The following SCAPER variants were observed in gnomAD, a reference collection of about 807,000 sequenced individuals.
SCAPER encodes the protein S-phase cyclin A associated protein in the ER.
Under a neutral mutation model 182.2 loss-of-function variants are expected in SCAPER, and 98 were observed. The ratio of observed to expected loss-of-function variants is 0.54; its 90% CI spans 0.46 to 0.64. The LOEUF (loss-of-function observed/expected upper bound fraction) is 0.64, where lower values mean the gene tolerates loss of function less well. SCAPER is among the 30% of genes least tolerant of loss of function. The probability of loss-of-function intolerance (pLI) is 0.00; values close to 1 mark genes in which losing one functional copy is unlikely to be tolerated. For missense variants in SCAPER, 1,432 were observed against 1,690.0 expected (o/e 0.85, Z 2.68); for synonymous variants, 605 against 564.6 (o/e 1.07, Z -1.01).
At chr15:76,493,166 A>T (rs993896714) in intron 24 of SCAPER, among the ~76,000 whole-genome samples, 5 of 152,188 alleles carry the variant, frequency 3.3e-5, no homozygotes, top group African/African-American at 1.2e-4. Flanking sequence ...GATATAAATT[A>T]TATGCATCCT....
At chr15:76,516,662 C>T (rs1217371498) in intron 23 of SCAPER, among the ~76,000 whole-genome samples, 1 of 152,064 alleles carries the variant, frequency 6.6e-6, no homozygotes, top group African/African-American at 2.4e-5. Flanking sequence ...GTGAATAGTG[C>T]TGCAATAAAC....
chr15:76,502,740 C>T (rs930940898), intron 24 of SCAPER, among the ~76,000 whole-genome samples: 2 of 152,118 alleles, frequency 1.3e-5, no homozygotes, highest in East Asian at 3.9e-4. Context: ...AAAGAAAACA[C>T]AAATCTATTG....
At chr15:76,687,686 C>G (rs572261583) in intron 20 of SCAPER, among the ~76,000 whole-genome samples, 1 of 152,078 alleles carries the variant, frequency 6.6e-6, no homozygotes, top group Admixed American at 6.6e-5. Flanking sequence ...TGAGAACATG[C>G]GGTGTTTGGT....
chr15:76,609,460 C>A (rs1255967343), intron 22 of SCAPER, among the ~76,000 whole-genome samples: 1 of 152,056 alleles, frequency 6.6e-6, no homozygotes, highest in African/African-American at 2.4e-5. Context: ...GCACTTCAGC[C>A]TGGGCAACAG....
chr15:76,519,825 A>G (rs2042704481), intron 23 of SCAPER, among the ~76,000 whole-genome samples: 1 of 152,204 alleles, frequency 6.6e-6, no homozygotes. Context: ...ATAAGTGCCT[A>G]ATAAATTTTT....
intron 10 of SCAPER, among the ~76,000 whole-genome samples, chr15:76,769,434 C>G (rs1306797893): frequency 1.0e-5 from 1 of 96,314 alleles, no homozygotes; most frequent in Non-Finnish European, 1.9e-5. Flanking sequence ...CACAGTGAGA[C>G]TCTGTCTCAA....
chr15:76,533,434 G>C (rs2043849654), intron 23 of SCAPER, among the ~76,000 whole-genome samples: 1 of 152,088 alleles, frequency 6.6e-6, no homozygotes, highest in Admixed American at 6.5e-5. Context: ...ATTCAGCATA[G>C]TATTCAGTAC....
At chr15:76,562,948 A>G (rs2145177479) in intron 23 of SCAPER, among the ~76,000 whole-genome samples, 1 of 152,334 alleles carries the variant, frequency 6.6e-6, no homozygotes, top group East Asian at 1.9e-4. Context: ...CATAATTTTG[A>G]TAGAAGGAAG....
intron 22 of SCAPER, among the ~76,000 whole-genome samples, chr15:76,613,008 C>T (rs1396524542): frequency 2.0e-5 from 3 of 152,172 alleles, no homozygotes; most frequent in African/African-American, 4.8e-5. Context: ...CATCAAGCTA[C>T]CTGACTTCAA....
At chr15:76,620,432 G>C (rs1479743676) in intron 22 of SCAPER, among the ~76,000 whole-genome samples, 1 of 152,108 alleles carries the variant, frequency 6.6e-6, no homozygotes, top group Non-Finnish European at 1.5e-5. Flanking sequence ...CTGATATACA[G>C]TATTTGTGAT....
chr15:76,774,978 A>G lies in SCAPER; in HGVS notation c.912T>C (p.Cys304=), dbSNP rs746718740. The G allele has an allele frequency of 6.2e-7, 1 of 1,613,864 alleles. No homozygotes were observed. The highest frequency in any genetic ancestry group is 2.2e-5 in the East Asian group (1 of 44,872). Residue 304 remains cysteine, a synonymous_variant, in exon 9 of 32, where the codon TGT becomes TGC. Transcript: ENST00000563290. ...SKDDSDKENV[C]LLPDESIQKG... ...TCTGTATGCTTTCATCAGGTAAAAGACATACATTTTCTTTATCACTGTCAT... is the reference window on the plus strand; with the variant it reads ...TCTGTATGCTTTCATCAGGTAAAAGGCATACATTTTCTTTATCACTGTCAT...
intron 5 of SCAPER, among the ~76,000 whole-genome samples, chr15:76,825,551 T>C (rs1050259977): frequency 6.6e-6 from 1 of 152,240 alleles, no homozygotes; most frequent in Non-Finnish European, 1.5e-5. Flanking sequence ...AAAAATGTTA[T>C]TCTTAAAATA....
At chr15:76,475,683 A>T (rs866018619) in intron 24 of SCAPER, among the ~76,000 whole-genome samples, 2 of 152,294 alleles carry the variant, frequency 1.3e-5, no homozygotes, top group African/African-American at 4.8e-5. Flanking sequence ...GCTTGAACCA[A>T]AGAACAGATA....
At chr15:76,464,130 T>A (rs944643500) in intron 25 of SCAPER, among the ~76,000 whole-genome samples, 3 of 151,560 alleles carry the variant, frequency 2.0e-5, no homozygotes, top group African/African-American at 7.3e-5. Flanking sequence ...CTTTTTCATC[T>A]CACTTGACTG....
At chr15:76,555,442 T>C (rs914172339) in intron 23 of SCAPER, among the ~76,000 whole-genome samples, 2 of 152,056 alleles carry the variant, frequency 1.3e-5, no homozygotes, top group Non-Finnish European at 2.9e-5. Context: ...GAGTGGTAAG[T>C]TGGATAAAGA....
intron 4 of SCAPER, among the ~76,000 whole-genome samples, chr15:76,843,722 T>C (rs1568314774): frequency 1.3e-5 from 2 of 152,048 alleles, no homozygotes; most frequent in Admixed American, 6.6e-5. Flanking sequence ...CTCAGGAGAC[T>C]GAGGCAGGAG....
chr15:76,637,889 T>C (rs926849070), intron 21 of SCAPER, among the ~76,000 whole-genome samples: 8 of 151,476 alleles, frequency 5.3e-5, no homozygotes, highest in Non-Finnish European at 1.2e-4. Context: ...CTAATTAGAC[T>C]GAGTGTCTTT....
At chr15:76,828,175 T>C (rs549637116) in intron 5 of SCAPER, among the ~76,000 whole-genome samples, 46 of 151,864 alleles carry the variant, frequency 3.0e-4, no homozygotes, top group South Asian at 1.0e-3. Context: ...TGTCTATAAC[T>C]ATGAGAAATA....
At chr15:76,444,530 T>C (rs2047856734) in intron 25 of SCAPER, among the ~76,000 whole-genome samples, 1 of 152,206 alleles carries the variant, frequency 6.6e-6, no homozygotes, top group African/African-American at 2.4e-5. Context: ...ATGTTTAATC[T>C]AATTACCTAT....
Sources: gnomAD v4.1 joint callset for allele counts (sites outside exome capture counted in the v4.1 genomes callset) on GRCh38, gnomAD v4.1.1 for gene constraint, MANE v1.5 for transcripts, NCBI Gene and HGNC (gene_info 2026-07-23, HGNC 2026-07-21) for gene names.